The following PRRC2A variants were observed in gnomAD, a reference collection of about 807,000 sequenced individuals.
The protein encoded by PRRC2A is proline rich coiled-coil 2A, also known as protein PRRC2A.
A neutral mutation model predicts 224.6 loss-of-function variants in PRRC2A; 59 were observed. That is an observed-to-expected ratio of 0.26 (90% CI 0.21 to 0.33). The LOEUF is 0.33. Ranked by LOEUF, PRRC2A falls within the 10% of genes least tolerant of loss-of-function variation. The pLI is 1.00. For missense variants in PRRC2A, 3,095 were observed against 2,880.7 expected (o/e 1.07, Z -1.70); for synonymous variants, 1,194 against 1,109.5 (o/e 1.08, Z -1.51).
chr6:31,622,881 T>C lies in PRRC2A; in HGVS notation c.92T>C (p.Leu31Ser). The change falls in exon 2 of 31, where the codon TTA (leucine) becomes TCA (serine). Residue 31 changes from leucine (L) to serine (S), a missense_variant. Physicochemically the swap from Leu to Ser is moderately radical, Grantham distance 145. Around this residue, in one of 8 missense-constraint regions of PRRC2A, gnomAD observed 64 missense variants for 68.2 expected, o/e 0.94. Transcript: ENST00000376033. ...NLFDTYKGKS[L>S]EIQKPAVAPR... ...TTTGATACGTATAAGGGCAAGTCCT[T>C]AGAGATCCAGAAACCCGCTGGTGAG... 6.2e-7 allele frequency: 1 copy of C among 1,614,046 alleles called. No homozygotes were observed. Among genetic ancestry groups the C allele is most frequent in the African/African-American group, 1.3e-5 (1 of 75,016 alleles).
At position 31,626,091 on chromosome 6, in the gene PRRC2A, C is replaced by T. The variant is rs1458726338; in HGVS notation, c.911C>T (p.Pro304Leu). 4 of 1,612,804 alleles carry T rather than the reference C, an allele frequency of 2.5e-6. No homozygotes were observed. Among genetic ancestry groups the T allele is most frequent in the African/African-American group, 1.3e-5 (1 of 74,910 alleles). Reference sequence around the variant, plus strand: ...CGCTTAGTAGAGCCTGTGGGTCGTCCCTCTATTCTCAAAGAGGATAATCTC... The same window carrying T: ...CGCTTAGTAGAGCCTGTGGGTCGTCTCTCTATTCTCAAAGAGGATAATCTC... ...PMRLVEPVGR[P>L]SILKEDNLKE... The change falls in exon 9 of 31, where the codon CCC (proline) becomes CTC (leucine). Residue 304 changes from proline to leucine, a missense_variant. Pro to Leu is a moderately conservative substitution (Grantham distance 98). Coordinates refer to ENST00000376033, the MANE Select transcript of PRRC2A (RefSeq NM_004638.4).
chr6:31,629,995 T>G, intron 14 of PRRC2A, 150 bp downstream of exon 14: 75 of 1,338,450 alleles, frequency 5.6e-5, no homozygotes, highest in Non-Finnish European at 7.0e-5. Flanking sequence ...GAGATAGCTC[T>G]GTTGCAAAAA....
rs1224554776 is a variant in PRRC2A, at chr6:31,625,905, G to A, written c.839+34G>A. On this transcript the variant is annotated intron_variant, in intron 8 of 30. Coordinates refer to ENST00000376033, the MANE Select transcript of PRRC2A (RefSeq NM_004638.4). This position sits in a 1 kb window ranked among gnomAD's most constrained non-coding sequence, Gnocchi z 4.1. ...TCCAGGTCTGGGTTTGTGGCTGGGG[G>A]CAGGGGAAGCTTATTGGGGGAGGAG... The A allele has an allele frequency of 2.5e-6, 4 of 1,580,162 alleles. No individual in the cohort carries two copies. The highest frequency in any genetic ancestry group is 1.7e-5 in the Admixed American group (1 of 59,352).
chr6:31,630,351 A>G (rs936357674), intron 14 of PRRC2A, among the ~76,000 whole-genome samples: 4 of 152,180 alleles, frequency 2.6e-5, no homozygotes, highest in Non-Finnish European at 4.4e-5. Context: ...CTCCATCTCA[A>G]AAATGAATGA....
In PRRC2A at chr6:31,630,616, C is replaced by T. The variant is rs749916285; in HGVS notation, c.2280C>T (p.Asp760=). The stretch of plus-strand genomic sequence containing the variant: ...GCCTAGTTCCCCGAGAGCGTTCAGA[C>T]AGTGGGGGCTCAAGCTCAGAGCCAT... ...PSGLVPRERS[D]SGGSSSEPFD... The change falls in exon 15 of 31, where the codon GAC becomes GAT. Residue 760 remains aspartate (D), a synonymous_variant. Transcript: ENST00000376033. The T allele has an allele frequency of 6.2e-7, 1 of 1,614,092 alleles. No homozygotes were observed. The highest frequency in any genetic ancestry group is 8.5e-7 in the Non-Finnish European group (1 of 1,180,020).
intron 2 of PRRC2A, 60 bp from the exon 3 acceptor site, chr6:31,623,672 G>T: frequency 6.4e-7 from 1 of 1,555,082 alleles, no homozygotes; most frequent in Non-Finnish European, 8.8e-7. Context: ...TCCCAGGATA[G>T]GAGGCCATCA....
At position 31,628,195 on chromosome 6, in the gene PRRC2A, G is replaced by A. The variant is rs976856388; in HGVS notation, c.1721G>A (p.Gly574Asp). ...AAAPTLVSGGGSTSSTSSGSF... is the reference protein window; with the variant it reads ...AAAPTLVSGGDSTSSTSSGSF... ...GCTCCCACTCTGGTGAGTGGTGGTG[G>A]CAGTACCAGTAGCACCAGCAGTGGC... is the stretch of plus-strand genomic sequence containing the variant. Residue 574 changes from glycine to aspartate, a missense_variant, in exon 12 of 31, where the codon GGC (glycine) becomes GAC (aspartate). Transcript: ENST00000376033. 1.6e-5 allele frequency: 25 copies of A among 1,612,800 alleles called. No individual in the cohort carries two copies. The highest frequency in any genetic ancestry group is 1.7e-5 in the Non-Finnish European group (20 of 1,180,028).
Position 31,635,230 on chromosome 6 carries a change from C to G in PRRC2A, c.5259C>G (p.Ser1753=). 1 of 1,614,208 alleles carries G rather than the reference C, an allele frequency of 6.2e-7. No individual in the cohort carries two copies. Among genetic ancestry groups the G allele is most frequent in the South Asian group, 1.1e-5 (1 of 91,086 alleles). Residue 1753 remains serine (S), a synonymous_variant, in exon 22 of 31, where the codon TCC becomes TCG. Coordinates refer to ENST00000376033, the MANE Select transcript of PRRC2A (RefSeq NM_004638.4). ...RGTEPGPIRP[S]HRPGPPVQFG... is the part of the protein sequence containing the mutation. ...CAGAGCCTGGCCCCATTCGGCCATC[C>G]CATCGACCTGGTCCCCCAGTCCAGT...
rs1236658725 is a variant in PRRC2A at position 31,629,865 on chromosome 6, G to T, written c.2254+20G>T. 1.2e-6 allele frequency: 2 copies of T among 1,612,040 alleles called. No individual in the cohort carries two copies. Among genetic ancestry groups the T allele is most frequent in the African/African-American group, 2.7e-5 (2 of 74,796 alleles). On this transcript the variant is annotated intron_variant, in intron 14 of 30. Transcript: ENST00000376033. ...CCTCTGGTAAGGGGGCATGGGAGGA[G>T]TGAGAAACAGGAAAGTCCCCTCAGT...
In PRRC2A at chr6:31,632,056, A is replaced by C; in HGVS notation, c.3383A>C (p.Lys1128Thr). ...TCAGACAAGGAGGCTCCCACACCCA[A>C]GGAGGGAACACTCACCCAGGTCCCT... Reference protein sequence around the residue: ...APSDKEAPTPKEGTLTQVPLA... With the variant: ...APSDKEAPTPTEGTLTQVPLA... The change falls in exon 16 of 31, where the codon AAG becomes ACG. Residue 1128 changes from lysine to threonine, a missense_variant. Transcript: ENST00000376033. The C allele has an allele frequency of 1.3e-6, 2 of 1,576,666 alleles. No individual in the cohort carries two copies. The highest frequency in any genetic ancestry group is 1.7e-6 in the Non-Finnish European group (2 of 1,159,070).
Position 31,635,396 on chromosome 6 carries a change from C to T in PRRC2A, c.5304C>T (p.Asp1768=). 1 of 1,614,222 alleles carries T rather than the reference C, an allele frequency of 6.2e-7. No individual in the cohort carries two copies. The change falls in exon 23 of 31, where the codon GAC becomes GAT. Residue 1768 remains aspartate, a splice_region_variant and synonymous_variant. Transcript: ENST00000376033. ...PPVQFGTSDK[D]SDLRLVVGDS... The stretch of plus-strand genomic sequence containing the variant: ...CTCCTGCCTTCTTGTGATCACAGGA[C>T]TCAGACTTACGCCTAGTGGTAGGAG...
At position 31,633,942 on chromosome 6, in the gene PRRC2A, C is replaced by G. The variant is rs1204266882; in HGVS notation, c.4672C>G (p.Pro1558Ala). 3 of 1,598,156 alleles carry G rather than the reference C, an allele frequency of 1.9e-6. No individual in the cohort carries two copies. Among genetic ancestry groups the G allele is most frequent in the Admixed American group, 1.8e-5 (1 of 54,236 alleles). The part of the protein sequence containing the change: ...RDSAGVSPFP[P>A]KRRERPPRKP... Reference sequence around the variant, plus strand: ...CTCTGCCGGGGTTAGTCCCTTTCCCCCTAAACGTCGGGAGCGGCCTCCCAG... The same window carrying G: ...CTCTGCCGGGGTTAGTCCCTTTCCCGCTAAACGTCGGGAGCGGCCTCCCAG... The change falls in exon 18 of 31, where the codon CCT becomes GCT. Residue 1558 changes from proline to alanine, a missense_variant. Transcript: ENST00000376033.
rs763547179 is a variant in PRRC2A at position 31,631,163 on chromosome 6, C to T, written c.2490C>T (p.Pro830=). 6.5e-7 allele frequency: 1 copy of T among 1,544,186 alleles called. No individual in the cohort carries two copies. Among genetic ancestry groups the T allele is most frequent in the South Asian group, 1.2e-5 (1 of 81,492 alleles). The part of the protein sequence containing the change: ...GMRSETPPVP[P]PPPYLASYPG... ...GGAGCGAGACTCCTCCAGTACCTCC[C>T]CCACCACCCTATCTGGCCAGTTATC... is the stretch of plus-strand genomic sequence containing the variant. Residue 830 remains proline (P), a synonymous_variant, in exon 16 of 31, where the codon CCC becomes CCT. Coordinates refer to ENST00000376033, the MANE Select transcript of PRRC2A (RefSeq NM_004638.4). This position sits in a 1 kb window ranked among gnomAD's most constrained non-coding sequence, Gnocchi z 4.5.
intron 14 of PRRC2A, 61 bp from the exon 15 acceptor site, chr6:31,630,530 T>C: frequency 3.2e-6 from 5 of 1,577,520 alleles, no homozygotes; most frequent in Non-Finnish European, 4.3e-6. Context: ...GGAGATGCTT[T>C]TTGGGCTGGA....
chr6:31,635,198 C>A lies in PRRC2A; in HGVS notation c.5227C>A (p.Arg1743=), dbSNP rs766476069. The A allele has an allele frequency of 6.5e-5, 105 of 1,612,780 alleles. No individual in the cohort carries two copies. The highest frequency in any genetic ancestry group is 7.9e-5 in the Non-Finnish European group (93 of 1,178,876). The change falls in exon 22 of 31, where the codon CGA becomes AGA. Residue 1743 remains arginine, a synonymous_variant. Transcript: ENST00000376033. The part of the protein sequence containing the change: ...IGTERSQRTD[R]GTEPGPIRPS... ...CACAGAACGATCACAGCGTACAGAC[C>A]GAGGCACAGAGCCTGGCCCCATTCG...
intron 1 of PRRC2A, among the ~76,000 whole-genome samples, chr6:31,621,296 C>G (rs997169040): frequency 3.9e-5 from 6 of 152,100 alleles, no homozygotes; most frequent in African/African-American, 9.7e-5. Flanking sequence ...CTGTGTTCCC[C>G]CCTCTGGACG....
chr6:31,622,762 CCA>C lies in PRRC2A; in HGVS notation c.-27_-26del. The C allele has an allele frequency of 6.3e-7, 1 of 1,588,022 alleles. No homozygotes were observed. The highest frequency in any genetic ancestry group is 1.1e-5 in the South Asian group (1 of 90,184). ...GTTTTGGGGGAGGTGCCTGCAGGACCCAACATACTCAATGAGCTTCCAGCGCA... is the reference window on the plus strand; with the variant it reads ...GTTTTGGGGGAGGTGCCTGCAGGACCACATACTCAATGAGCTTCCAGCGCA... On this transcript the variant is annotated 5_prime_UTR_variant, in exon 2 of 31. Transcript: ENST00000376033.
rs772330105 is a variant in PRRC2A, at chr6:31,634,022, C to T, written c.4719+33C>T. On this transcript the variant is annotated intron_variant, in intron 18 of 30. Coordinates refer to ENST00000376033, the MANE Select transcript of PRRC2A (RefSeq NM_004638.4). Reference sequence around the variant, plus strand: ...ATGGGTTTGAGATTGTGCTTCACTGCACTCTTACTCGTGAAAATTCTTCTG... The same window carrying T: ...ATGGGTTTGAGATTGTGCTTCACTGTACTCTTACTCGTGAAAATTCTTCTG... 3.1e-6 allele frequency: 5 copies of T among 1,591,556 alleles called. No homozygotes were observed. In the South Asian group the frequency reaches 5.8e-5, roughly 18 times the overall value.
intron 2 of PRRC2A, 136 bp downstream of exon 2, chr6:31,623,037 G>T (rs780595015): frequency 2.4e-6 from 2 of 834,312 alleles, no homozygotes; most frequent in Non-Finnish European, 4.2e-6. Flanking sequence ...CTTTACACTG[G>T]GTCCTTTAAA....
Sources: gnomAD v4.1 joint callset for allele counts (sites outside exome capture counted in the v4.1 genomes callset) on GRCh38, gnomAD v4.1.1 for gene constraint, gnomAD v4.1.1 regional missense constraint, Gnocchi (gnomAD v3.1) non-coding constraint, MANE v1.5 for transcripts, NCBI Gene and HGNC (gene_info 2026-07-23, HGNC 2026-07-21) for gene names.